FDFT1: variants seen among roughly 807,000 people sequenced by gnomAD.
The protein encoded by FDFT1 is farnesyl-diphosphate farnesyltransferase 1, also known as squalene synthase.
A neutral mutation model predicts 46.8 loss-of-function variants in FDFT1; 68 were observed. The observed-to-expected ratio is 1.45, with a 90% confidence interval of 1.19 to 1.78. FDFT1 has a LOEUF of 1.78. Among genes scored for constraint, FDFT1 ranks in the 40% most tolerant of loss-of-function variants. The pLI is 0.00. For synonymous variants in FDFT1, 351 were observed against 185.1 expected (o/e 1.90, Z -7.28); for missense variants, 928 against 524.4 (o/e 1.77, Z -7.52).
In FDFT1 at chr8:11,826,223, A is replaced by G. The variant is rs764279301; in HGVS notation, c.702+8A>G. 2 of 1,507,542 alleles carry G rather than the reference A, an allele frequency of 1.3e-6. No individual in the cohort carries two copies. The highest frequency in any genetic ancestry group is 2.6e-5 in the South Asian group (2 of 78,034). The allele number at this position is 1,507,542 out of a possible 1,614,324, so 93.4% of individuals were successfully genotyped here. ...GAGTTCTGGCCTCAAGAGGTAACAGATTCAGGGTATTTTGGGGGAAAATAA... is the reference window on the plus strand; with the variant it reads ...GAGTTCTGGCCTCAAGAGGTAACAGGTTCAGGGTATTTTGGGGGAAAATAA... On this transcript the variant is annotated splice_region_variant and intron_variant, in intron 5 of 7. Transcript: ENST00000220584.
chr8:11,830,051 T>G (rs1810555352), intron 5 of FDFT1, among the ~76,000 whole-genome samples, 193 bp from the exon 6 acceptor site: 1 of 152,128 alleles, frequency 6.6e-6, no homozygotes, highest in African/African-American at 2.4e-5. Context: ...TTTCACCACC[T>G]TGGCCAGGCT....
At chr8:11,823,519 T>A (rs751038482) in intron 4 of FDFT1, among the ~76,000 whole-genome samples, 8 of 152,188 alleles carry the variant, frequency 5.3e-5, no homozygotes, top group Non-Finnish European at 1.2e-4. Flanking sequence ...TGCTTTCTCT[T>A]CACCTGTGCA....
At position 11,838,826 on chromosome 8, in the gene FDFT1, G is replaced by C; in HGVS notation, c.*217G>C. On this transcript the variant is annotated 3_prime_UTR_variant, in exon 8 of 8. Coordinates refer to ENST00000220584, the MANE Select transcript of FDFT1 (RefSeq NM_004462.5). ...CCAGCAACCTGTCCTTGTGGGTGAT[G>C]ATCACTGTGCTGCTTGTGGCTCATG... The C allele has an allele frequency of 1.8e-6, 1 of 566,794 alleles. No homozygotes were observed. The highest frequency in any genetic ancestry group is 3.2e-6 in the Non-Finnish European group (1 of 316,022). 35.1% of individuals were successfully genotyped at this position (566,794 alleles called of 1,614,324 possible).
chr8:11,836,920 C>T (rs1051588987), intron 7 of FDFT1, among the ~76,000 whole-genome samples: 1 of 152,224 alleles, frequency 6.6e-6, no homozygotes, highest in Admixed American at 6.5e-5. Flanking sequence ...TGTGTGCCAG[C>T]ACAGGGCTAG....
At chr8:11,797,296 A>G (rs1045423559), upstream of FDFT1, among the ~76,000 whole-genome samples, 2 of 152,204 alleles carry the variant, frequency 1.3e-5, no homozygotes, top group Non-Finnish European at 2.9e-5. Context: ...TGGTTCTGTT[A>G]TATAGTGTCT....
rs559723141 is a variant in FDFT1 at position 11,803,251 on chromosome 8, C to T, written c.99+320C>T. Reference sequence around the variant, plus strand: ...GTATTTTAACCCGAGGGTTACACATCTGAGGCAATGTGGGTGGGTTACGCG... The same window carrying T: ...GTATTTTAACCCGAGGGTTACACATTTGAGGCAATGTGGGTGGGTTACGCG... On this transcript the variant is annotated intron_variant, in intron 1 of 7. Coordinates refer to ENST00000220584, the MANE Select transcript of FDFT1 (RefSeq NM_004462.5). 8 of 1,369,518 alleles carry T rather than the reference C, an allele frequency of 5.8e-6. No individual in the cohort carries two copies. The African/African-American group carries it at 8.7e-5, about 15-fold the overall frequency. 84.8% of individuals were successfully genotyped at this position (1,369,518 alleles called of 1,614,324 possible).
At chr8:11,837,143 C>T (rs1212541239) in intron 7 of FDFT1, among the ~76,000 whole-genome samples, 3 of 152,268 alleles carry the variant, frequency 2.0e-5, no homozygotes, top group Non-Finnish European at 2.9e-5. Flanking sequence ...GTGGGAGGCG[C>T]ATTCCAGAGA....
chr8:11,799,694 TC>T (rs1805906784), upstream of FDFT1, among the ~76,000 whole-genome samples: 1 of 151,502 alleles, frequency 6.6e-6, no homozygotes, highest in African/African-American at 2.4e-5. Flanking sequence ...ACGCCTGTAA[TC>T]CCAGTACCTG....
At position 11,831,538 on chromosome 8, in the gene FDFT1, G is replaced by C; in HGVS notation, c.900G>C (p.Leu300Phe). Residue 300 changes from leucine to phenylalanine, a missense_variant, in exon 7 of 8, where the codon TTG (leucine) becomes TTC (phenylalanine). Leu to Phe is a conservative substitution (Grantham distance 22). Coordinates refer to ENST00000220584, the MANE Select transcript of FDFT1 (RefSeq NM_004462.5). ...AIPQVMAIAT[L>F]AACYNNQQVF... ...TCTAGGTGATGGCCATTGCCACTTT[G>C]GCTGCCTGTTATAATAACCAGCAGG... is the stretch of plus-strand genomic sequence containing the variant. 1 of 1,613,948 alleles carries C rather than the reference G, an allele frequency of 6.2e-7. No individual in the cohort carries two copies. The highest frequency in any genetic ancestry group is 8.5e-7 in the Non-Finnish European group (1 of 1,179,912).
chr8:11,823,648 G>A (rs915749570), intron 4 of FDFT1, among the ~76,000 whole-genome samples: 2 of 152,132 alleles, frequency 1.3e-5, no homozygotes, highest in African/African-American at 2.4e-5. Flanking sequence ...AGACAAGGCA[G>A]CCTTGACCTT....
At chr8:11,802,660 C>A (rs889296376), upstream of FDFT1, 9 of 612,082 alleles carry the variant, frequency 1.5e-5, no homozygotes, top group East Asian at 1.4e-4. Flanking sequence ...GCCCCGCTGG[C>A]GGCCGAGGCC....
At chr8:11,796,821 C>T (rs530321390) in intron 1 of FDFT1, among the ~76,000 whole-genome samples, 1 of 152,268 alleles carries the variant, frequency 6.6e-6, no homozygotes, top group Admixed American at 6.5e-5. Flanking sequence ...CTGGCTTTAC[C>T]CAGGAAAGAA....
At chr8:11,800,707 C>T (rs919218281), upstream of FDFT1, among the ~76,000 whole-genome samples, 4 of 152,194 alleles carry the variant, frequency 2.6e-5, no homozygotes, top group African/African-American at 7.2e-5. Context: ...ATTTCTTTAT[C>T]ATAGCTAGCA....
chr8:11,804,498 T>G (rs1371386780), intron 1 of FDFT1, among the ~76,000 whole-genome samples: 1 of 152,164 alleles, frequency 6.6e-6, no homozygotes, highest in Non-Finnish European at 1.5e-5. Flanking sequence ...TCTGGGCAGT[T>G]TTTACATCCC....
Position 11,831,625 on chromosome 8 carries a change from C to T in FDFT1, c.987C>T (p.Thr329=), listed in dbSNP as rs1332121256. ...CAGTGACCCTGATGATGGATGCCAC[C>T]AATATGCCAGCTGTCAAAGCCATCA... The part of the protein sequence containing the change: ...GQAVTLMMDA[T]NMPAVKAIIY... The change falls in exon 7 of 8, where the codon ACC becomes ACT. Residue 329 remains threonine, a synonymous_variant. Coordinates refer to ENST00000220584, the MANE Select transcript of FDFT1 (RefSeq NM_004462.5). 6.2e-7 allele frequency: 1 copy of T among 1,613,892 alleles called. No individual in the cohort carries two copies. The highest frequency in any genetic ancestry group is 1.7e-5 in the Admixed American group (1 of 60,018).
At chr8:11,802,401 C>G (rs1249613715), upstream of FDFT1, 3 of 457,090 alleles carry the variant, frequency 6.6e-6, no homozygotes, top group South Asian at 3.1e-5. Context: ...TCCTGCGCAT[C>G]CTAAGCCCCA....
At chr8:11,838,319 G>A in intron 7 of FDFT1, 69 bp from the exon 8 acceptor site, 1 of 1,198,118 alleles carries the variant, frequency 8.3e-7, no homozygotes, top group Non-Finnish European at 1.2e-6. Context: ...CCAGTGGAGG[G>A]TTGTTGTAAG....
chr8:11,798,887 G>A (rs1412987642), upstream of FDFT1, among the ~76,000 whole-genome samples: 1 of 152,196 alleles, frequency 6.6e-6, no homozygotes, highest in African/African-American at 2.4e-5. Context: ...ATTTAGAAAG[G>A]GAGAAGAGCC....
chr8:11,811,873 CTG>C (rs773937485), intron 3 of FDFT1, among the ~76,000 whole-genome samples: 2 of 152,202 alleles, frequency 1.3e-5, no homozygotes, highest in South Asian at 4.1e-4. Flanking sequence ...TCCCTCCAGT[CTG>C]TGATTCAGTT....
Sources: allele counts gnomAD v4.1 joint callset (sites outside exome capture counted in the v4.1 genomes callset), GRCh38; gene constraint gnomAD v4.1.1; transcripts MANE v1.5; gene names NCBI Gene and HGNC (gene_info 2026-07-23, HGNC 2026-07-21).